Variants in NRG3 observed in about 807,000 individuals in gnomAD.
NRG3 encodes neuregulin 3.
In NRG3, 31 loss-of-function variants were observed where a neutral mutation model predicts 66.9. The observed-to-expected ratio is 0.46, with a 90% CI of 0.35 to 0.63. NRG3 has a LOEUF of 0.63. Among genes scored for constraint, NRG3 ranks in the 20% least tolerant of loss-of-function variants. NRG3 has a pLI of 0.00. For missense variants in NRG3, 910 were observed against 878.9 expected (o/e 1.04, Z -0.45); for synonymous variants, 393 against 359.4 (o/e 1.09, Z -1.06).
chr10:82,041,286 C>G (rs2063024138), intron 1 of NRG3, among the ~76,000 whole-genome samples: 1 of 151,992 alleles, frequency 6.6e-6, no homozygotes, highest in East Asian at 1.9e-4. Context: ...TTACAAGTCT[C>G]CCTTGCGCTT....
intron 4 of NRG3, among the ~76,000 whole-genome samples, chr10:82,907,021 G>A (rs1412917): frequency 0.36 from 54,641 of 152,010 alleles, 10,260 homozygotes; most frequent in East Asian, 0.53. Flanking sequence ...AGAGAAAAGT[G>A]TAAACTGCAG....
chr10:82,808,605 T>C (rs2061376738), intron 3 of NRG3, among the ~76,000 whole-genome samples: 1 of 151,988 alleles, frequency 6.6e-6, no homozygotes, highest in Non-Finnish European at 1.5e-5. Context: ...ATTAAACTGT[T>C]ATTTTTTAGA....
chr10:82,779,095 G>A (rs982072277), intron 3 of NRG3, among the ~76,000 whole-genome samples: 2 of 152,134 alleles, frequency 1.3e-5, no homozygotes, highest in African/African-American at 4.8e-5. Context: ...TCAAGATTGT[G>A]ATGCACAGTA....
At chr10:82,611,435 C>T (rs1290067641) in intron 2 of NRG3, among the ~76,000 whole-genome samples, 2 of 152,028 alleles carry the variant, frequency 1.3e-5, no homozygotes, top group African/African-American at 4.8e-5. Context: ...CACCCCTGGA[C>T]AGGCCCTGGT....
chr10:82,393,301 G>T (rs1000837650), intron 2 of NRG3, among the ~76,000 whole-genome samples: 1 of 152,106 alleles, frequency 6.6e-6, no homozygotes, highest in Non-Finnish European at 1.5e-5. Flanking sequence ...ATACTGTGTG[G>T]CTCTGACTTC....
chr10:82,088,603 G>C (rs1351876853), intron 1 of NRG3, among the ~76,000 whole-genome samples: 1 of 152,068 alleles, frequency 6.6e-6, no homozygotes, highest in African/African-American at 2.4e-5. Flanking sequence ...GAATGCACAG[G>C]CTGTGACACT....
At chr10:82,195,795 G>T (rs1376364977) in intron 1 of NRG3, among the ~76,000 whole-genome samples, 1 of 152,162 alleles carries the variant, frequency 6.6e-6, no homozygotes, top group Non-Finnish European at 1.5e-5. Flanking sequence ...AACCAGAGAG[G>T]CAAGAAAGTC....
chr10:82,777,688 C>T (rs1233251931), intron 3 of NRG3, among the ~76,000 whole-genome samples: 1 of 152,084 alleles, frequency 6.6e-6, no homozygotes, highest in Non-Finnish European at 1.5e-5. Context: ...CCAGCCATAG[C>T]TGCAATTTAG....
intron 2 of NRG3, among the ~76,000 whole-genome samples, chr10:82,363,463 GT>G (rs1465876896): frequency 6.6e-6 from 1 of 152,082 alleles, no homozygotes; most frequent in African/African-American, 2.4e-5. Flanking sequence ...TTGTTTGTTT[GT>G]TTGTTTTTTG....
intron 1 of NRG3, among the ~76,000 whole-genome samples, chr10:81,901,077 G>A (rs943335616): frequency 8.5e-5 from 13 of 152,126 alleles, no homozygotes; most frequent in Admixed American, 3.3e-4. Context: ...TGGTGAAGTC[G>A]GGAGCTCCAG....
chr10:82,105,624 G>A (rs1437646427), intron 1 of NRG3, among the ~76,000 whole-genome samples: 2 of 152,080 alleles, frequency 1.3e-5, no homozygotes, highest in East Asian at 1.9e-4. Context: ...GATGCCCTAC[G>A]TCATCCTCTG....
Position 82,593,685 on chromosome 10 carries a change from A to G in NRG3, c.954-144892A>G, listed in dbSNP as rs188622093. ...CATTATGATCTCTGTTATTACTATC[A>G]ATAATTTGGAAAAAATAGATACCTA... On this transcript the variant is annotated intron_variant, in intron 2 of 8. Coordinates refer to ENST00000372141, the MANE Select transcript of NRG3 (RefSeq NM_001010848.4). 3.3e-5 allele frequency among the ~76,000 whole-genome samples: 5 copies of G among 152,242 alleles called. No individual in the cohort carries two copies. The East Asian group carries it at 7.7e-4, about 24-fold the overall frequency.
Position 82,648,791 on chromosome 10 carries a change from G to T in NRG3, c.954-89786G>T, listed in dbSNP as rs189134429. Among the ~76,000 whole-genome samples the T allele has an allele frequency of 7.2e-3, 1,097 of 152,238 alleles. 29 individuals carry two copies. Among genetic ancestry groups the T allele is most frequent in the Admixed American group, 0.056 (852 of 15,292 alleles). On this transcript the variant is annotated intron_variant, in intron 2 of 8. Coordinates refer to ENST00000372141, the MANE Select transcript of NRG3 (RefSeq NM_001010848.4). ...CAATTGTGAATGGGAGTTCACTCAT[G>T]ATTTGGCTCTCTGTTTGTCTGTTAC...
chr10:81,930,567 GC>G (rs1564666868), intron 1 of NRG3, among the ~76,000 whole-genome samples: 1 of 151,956 alleles, frequency 6.6e-6, no homozygotes, highest in Non-Finnish European at 1.5e-5. Context: ...CATTTGCCTG[GC>G]AAGTAACAAA....
intron 1 of NRG3, among the ~76,000 whole-genome samples, chr10:82,044,848 A>C (rs1396933741): frequency 6.6e-6 from 1 of 152,032 alleles, no homozygotes; most frequent in Non-Finnish European, 1.5e-5. Context: ...TAGTTTACTG[A>C]GAATGATGAT....
At chr10:82,856,743 CAAAAAAAAAAAACA>C (rs2063826317) in intron 3 of NRG3, among the ~76,000 whole-genome samples, 3 of 66,420 alleles carry the variant, frequency 4.5e-5, no homozygotes, top group South Asian at 5.6e-4. Flanking sequence ...GACTCTGTCT[CAAAAAAAAAAAACA>C]AAAAAAAAAA....
chr10:82,026,541 A>G (rs1202147390), intron 1 of NRG3, among the ~76,000 whole-genome samples: 2 of 151,888 alleles, frequency 1.3e-5, no homozygotes, highest in African/African-American at 4.8e-5. Flanking sequence ...CAGCAATAAT[A>G]TTGGCTGTTA....
chr10:82,289,830 G>A (rs1321793799), intron 1 of NRG3, among the ~76,000 whole-genome samples: 1 of 152,162 alleles, frequency 6.6e-6, no homozygotes, highest in East Asian at 1.9e-4. Flanking sequence ...TTTGGTAATT[G>A]CAGAAGAAAT....
chr10:82,274,250 T>A (rs2078734924), intron 1 of NRG3, among the ~76,000 whole-genome samples: 1 of 152,068 alleles, frequency 6.6e-6, no homozygotes, highest in Non-Finnish European at 1.5e-5. Flanking sequence ...AATTTTAGCA[T>A]AGCAAAATAT....
Sources: allele counts gnomAD v4.1 joint callset (sites outside exome capture counted in the v4.1 genomes callset), GRCh38; gene constraint gnomAD v4.1.1; transcripts MANE v1.5; gene names NCBI Gene and HGNC (gene_info 2026-07-23, HGNC 2026-07-21).